The following PRKDC variants were observed in gnomAD, a reference collection of about 807,000 sequenced individuals.
PRKDC encodes DNA-dependent protein kinase catalytic subunit.
Under a neutral mutation model 486.9 loss-of-function variants are expected in PRKDC, and 82 were observed. That is an observed-to-expected ratio of 0.17 (90% CI 0.14 to 0.20). The LOEUF is 0.20. Ranked by LOEUF, PRKDC falls within the 10% of genes least tolerant of loss-of-function variation. PRKDC has a pLI of 1.00. For synonymous variants in PRKDC, 1,895 were observed against 1,837.0 expected, an observed-to-expected ratio of 1.03 and a Z score of -0.81; for missense variants, 4,504 against 5,038.2, an observed-to-expected ratio of 0.89 and a Z score of 3.21.
chr8:47,788,664 A>G (rs2086833383), intron 76 of PRKDC, among the ~76,000 whole-genome samples: 1 of 152,230 alleles, frequency 6.6e-6, no homozygotes, highest in African/African-American at 2.4e-5. Context: ...AAATCTGAGC[A>G]TGAACAACGT....
Position 47,830,630 on chromosome 8 carries a change from A to G in PRKDC, c.8372T>C (p.Ile2791Thr). ...PDIQIKHSSL[I>T]TPLQAVAQRD... is the part of the protein sequence containing the mutation. Reference sequence around the variant, plus strand: ...CTGGGCCACGGCCTGTAACGGGGTGATGAGGCTGCTGTGCTTGATCTGAAT... The same window carrying G: ...CTGGGCCACGGCCTGTAACGGGGTGGTGAGGCTGCTGTGCTTGATCTGAAT... The change falls in exon 61 of 86, where the codon ATC becomes ACC. Residue 2791 changes from isoleucine to threonine, a missense_variant. Ile to Thr is a moderately conservative substitution (Grantham distance 89). This residue lies in a region of PRKDC where 1,592 missense variants were observed against 1,724.6 expected (regional missense o/e 0.92). Coordinates refer to ENST00000314191, the MANE Select transcript of PRKDC (RefSeq NM_006904.7). 3.1e-6 allele frequency: 5 copies of G among 1,613,944 alleles called. No homozygotes were observed. The highest frequency in any genetic ancestry group is 4.2e-6 in the Non-Finnish European group (5 of 1,179,864).
At position 47,935,754 on chromosome 8, in the gene PRKDC, G is replaced by C. The variant is rs373243192; in HGVS notation, c.1425C>G (p.Leu475=). The change falls in exon 13 of 86, where the codon CTC becomes CTG. Residue 475 remains leucine, a synonymous_variant. Transcript: ENST00000314191. ...TACCCACAGTACTAATGCAATTCCT[G>C]AGAACTGGCCCTTTTGCTGCCAAAG... is the stretch of plus-strand genomic sequence containing the variant. ...FLALAAKGPV[L]RNCISTVVHQ... 2.5e-6 allele frequency: 4 copies of C among 1,613,750 alleles called. No individual in the cohort carries two copies. Among genetic ancestry groups the C allele is most frequent in the Non-Finnish European group, 3.4e-6 (4 of 1,179,810 alleles).
At chr8:47,842,449 A>G (rs2088171571) in intron 54 of PRKDC, among the ~76,000 whole-genome samples, 1 of 152,184 alleles carries the variant, frequency 6.6e-6, no homozygotes, top group Admixed American at 6.5e-5. Flanking sequence ...TACAGGAGAG[A>G]TCCTATACAG....
At chr8:47,827,360 T>C (rs1316205321) in intron 62 of PRKDC, among the ~76,000 whole-genome samples, 1 of 152,166 alleles carries the variant, frequency 6.6e-6, no homozygotes, top group Non-Finnish European at 1.5e-5. Flanking sequence ...TCAGAAAAGG[T>C]CACTAGATAC....
In PRKDC at chr8:47,773,116, G is replaced by GA. The variant is rs1456652662; in HGVS notation, c.*1056dup. On this transcript the variant is annotated 3_prime_UTR_variant, in exon 86 of 86. Coordinates refer to ENST00000314191, the MANE Select transcript of PRKDC (RefSeq NM_006904.7). ...ATAAAAGAGATACACACTACTTTTG[G>GA]AAAAAAACTTTATTAAACACTCAAG... 6 of 195,582 alleles carry GA rather than the reference G, an allele frequency of 3.1e-5. No homozygotes were observed. The highest frequency in any genetic ancestry group is 2.4e-4 in the East Asian group (3 of 12,430). The allele number at this position is 195,582 out of a possible 1,614,324, so 12.1% of individuals were successfully genotyped here.
intron 16 of PRKDC, among the ~76,000 whole-genome samples, 195 bp downstream of exon 16, chr8:47,932,825 G>A (rs558208822): frequency 8.6e-5 from 13 of 151,822 alleles, no homozygotes; most frequent in African/African-American, 2.7e-4. Context: ...ATTACTTTTT[G>A]AACCATCTAG....
At chr8:47,941,883 A>AG (rs2090450668) in intron 10 of PRKDC, among the ~76,000 whole-genome samples, 1 of 152,232 alleles carries the variant, frequency 6.6e-6, no homozygotes, top group Admixed American at 6.5e-5. Flanking sequence ...AGTTTTCATT[A>AG]AGAATTGGAG....
In PRKDC at chr8:47,904,568, C is replaced by T. The variant is rs369065357; in HGVS notation, c.3042+301G>A. On this transcript the variant is annotated intron_variant, in intron 26 of 85. Coordinates refer to ENST00000314191, the MANE Select transcript of PRKDC (RefSeq NM_006904.7). ...GTGCCTGGCTCACTGCCAAGGTGGG[C>T]GGATCACTTGAGGTCAGGACTAAGA... Among the ~76,000 whole-genome samples the T allele has an allele frequency of 1.8e-4, 28 of 152,244 alleles. 1 individual carries two copies. Among genetic ancestry groups the T allele is most frequent in the African/African-American group, 6.5e-4 (27 of 41,550 alleles).
chr8:47,932,207 C>T (rs1340361565), intron 16 of PRKDC, among the ~76,000 whole-genome samples: 1 of 152,184 alleles, frequency 6.6e-6, no homozygotes, highest in Non-Finnish European at 1.5e-5. Context: ...CCTCAGCCTC[C>T]CGAGCAGCTG....
intron 59 of PRKDC, among the ~76,000 whole-genome samples, chr8:47,833,310 G>A (rs952507750): frequency 1.3e-5 from 2 of 152,182 alleles, no homozygotes; most frequent in Non-Finnish European, 2.9e-5. Context: ...TTGCTTCTAA[G>A]TTCTTCTAAG....
At chr8:47,777,204 G>A (rs1193947287) in intron 84 of PRKDC, among the ~76,000 whole-genome samples, 2 of 151,372 alleles carry the variant, frequency 1.3e-5, no homozygotes, top group Non-Finnish European at 2.9e-5. Context: ...TAAAGGTTTT[G>A]CCTGTTAATT....
At chr8:47,832,029 C>A in intron 59 of PRKDC, 103 bp from the exon 60 acceptor site, 1 of 1,031,992 alleles carries the variant, frequency 9.7e-7, no homozygotes, top group Non-Finnish European at 1.5e-6. Context: ...CCTACAGGTG[C>A]CGCAGAGGCA....
chr8:47,816,634 G>A (rs1485334102), intron 68 of PRKDC, among the ~76,000 whole-genome samples: 1 of 152,014 alleles, frequency 6.6e-6, no homozygotes, highest in Non-Finnish European at 1.5e-5. Context: ...TCCAGCTTAC[G>A]CTCACAACCG....
rs879732716 is a variant in PRKDC at position 47,923,066 on chromosome 8, C to CTTTT, written c.2419+4124_2419+4127dup. ...TTTGCCTGTACCATGAGAAGTCATT[C>CTTTT]TTTTTTTTTTTTTTTGAGATGAAGT... On this transcript the variant is annotated intron_variant, in intron 21 of 85. Transcript: ENST00000314191. 2.1e-5 allele frequency among the ~76,000 whole-genome samples: 3 copies of CTTTT among 141,060 alleles called. No individual in the cohort carries two copies. In the South Asian group the frequency reaches 6.8e-4, roughly 32 times the overall value. 92.5% of individuals were successfully genotyped at this position (141,060 alleles called of 152,430 possible). A position where few individuals can be genotyped will look rare whatever the true frequency, so the allele number is the denominator to read the frequency against.
chr8:47,843,858 T>C (rs1369802502), intron 54 of PRKDC, among the ~76,000 whole-genome samples: 1 of 152,230 alleles, frequency 6.6e-6, no homozygotes, highest in African/African-American at 2.4e-5. Flanking sequence ...AGGGAATTTG[T>C]TACTATTAGA....
chr8:47,849,638 G>A lies in PRKDC; in HGVS notation c.7006-135C>T, dbSNP rs886959057. ...TTGTCACCTACAAGGTAGATGATGG[G>A]ACAGTAGGTGCTGGGGATGTCTGCT... On this transcript the variant is annotated intron_variant, in intron 52 of 85. Coordinates refer to ENST00000314191, the MANE Select transcript of PRKDC (RefSeq NM_006904.7). 13 of 991,040 alleles carry A rather than the reference G, an allele frequency of 1.3e-5. No homozygotes were observed. In the East Asian group the frequency reaches 2.9e-4, roughly 22 times the overall value. 61.4% of individuals were successfully genotyped at this position (991,040 alleles called of 1,614,324 possible). A position where few individuals can be genotyped will look rare whatever the true frequency, so the allele number is the denominator to read the frequency against.
chr8:47,940,259 G>T (rs1477649036), intron 10 of PRKDC, among the ~76,000 whole-genome samples: 1 of 152,230 alleles, frequency 6.6e-6, no homozygotes, highest in Non-Finnish European at 1.5e-5. Flanking sequence ...TAAATTAAGT[G>T]ATGCAAGGGG....
At chr8:47,839,881 G>T in intron 55 of PRKDC, 135 bp downstream of exon 55, 2 of 618,008 alleles carry the variant, frequency 3.2e-6, no homozygotes, top group Non-Finnish European at 2.6e-6. Flanking sequence ...GGCTGAGATG[G>T]AAGGATCAAC....
At chr8:47,779,165 C>A in intron 80 of PRKDC, 72 bp from the exon 81 acceptor site, 4 of 1,103,294 alleles carry the variant, frequency 3.6e-6, no homozygotes, top group South Asian at 3.1e-5. Flanking sequence ...GCAAAGATCA[C>A]CAAGAATTCA....
Sources: gnomAD v4.1 joint callset for allele counts (sites outside exome capture counted in the v4.1 genomes callset) on GRCh38, gnomAD v4.1.1 for gene constraint, gnomAD v4.1.1 regional missense constraint, MANE v1.5 for transcripts, NCBI Gene and HGNC (gene_info 2026-07-23, HGNC 2026-07-21) for gene names.